SCARB2: variants seen among roughly 807,000 people sequenced by gnomAD.
The protein encoded by SCARB2 is lysosome membrane protein 2.
In SCARB2, 29 loss-of-function variants were observed where a neutral mutation model predicts 58.6. That is an observed-to-expected ratio of 0.49 (90% CI 0.37 to 0.67). The LOEUF is 0.67. Among genes scored for constraint, SCARB2 ranks in the 30% least tolerant of loss-of-function variants. SCARB2 has a pLI of 0.00. For missense variants in SCARB2, 488 were observed against 578.5 expected (o/e 0.84, Z 1.60); for synonymous variants, 195 against 210.1 (o/e 0.93, Z 0.62).
intron 1 of SCARB2, among the ~76,000 whole-genome samples, chr4:76,204,149 C>T (rs748316187): frequency 6.6e-6 from 1 of 152,176 alleles, no homozygotes; most frequent in Non-Finnish European, 1.5e-5. Flanking sequence ...AATGGCAAAA[C>T]ACCAATTGAT....
At position 76,159,152 on chromosome 4, in the gene SCARB2, CT is replaced by C. The variant is rs1317157908; in HGVS notation, c.*2560del. On this transcript the variant is annotated 3_prime_UTR_variant, in exon 12 of 12. Coordinates refer to ENST00000264896, the MANE Select transcript of SCARB2 (RefSeq NM_005506.4). ...TTTTCCCTGAGAGAAGTGAGTTAAG[CT>C]CTCTGTCTTGGTTTCTTCCTCTCTA... 1 of 152,160 alleles carries C rather than the reference CT, an allele frequency of 6.6e-6. No homozygotes were observed. Among genetic ancestry groups the C allele is most frequent in the African/African-American group, 2.4e-5 (1 of 41,434 alleles). 9.4% of individuals were successfully genotyped at this position (152,160 alleles called of 1,614,324 possible).
chr4:76,191,376 A>G (rs1456752574), intron 2 of SCARB2, among the ~76,000 whole-genome samples: 1 of 152,138 alleles, frequency 6.6e-6, no homozygotes, highest in African/African-American at 2.4e-5. Flanking sequence ...TCATGTTGAA[A>G]TATGATCCCC....
chr4:76,229,680 ATGT>A (rs1733460213), intron 1 of SCARB2, among the ~76,000 whole-genome samples: 1 of 152,140 alleles, frequency 6.6e-6, no homozygotes, highest in Non-Finnish European at 1.5e-5. Flanking sequence ...GATTCCTGTG[ATGT>A]GATCCATCTT....
chr4:76,217,529 C>T (rs903806576), upstream of SCARB2: 6 of 428,284 alleles, frequency 1.4e-5, no homozygotes, highest in South Asian at 3.3e-4. Context: ...CTCTAGCTTC[C>T]TCTCTGCCCA....
intron 1 of SCARB2, among the ~76,000 whole-genome samples, chr4:76,232,565 GCATAA>G (rs1304815287): frequency 8.5e-5 from 13 of 152,120 alleles, no homozygotes; most frequent in African/African-American, 2.9e-4. Context: ...ATGATTGGTA[GCATAA>G]CTTAGACATT....
At chr4:76,193,570 CAAA>C (rs894225469) in intron 2 of SCARB2, 1 of 152,242 alleles carries the variant, frequency 6.6e-6, no homozygotes, top group Middle Eastern at 3.2e-3. Flanking sequence ...GACACGGAGT[CAAA>C]GAAGATGATT....
intron 2 of SCARB2, among the ~76,000 whole-genome samples, chr4:76,189,319 T>C (rs1338270034): frequency 1.3e-5 from 2 of 152,160 alleles, no homozygotes; most frequent in African/African-American, 4.8e-5. Flanking sequence ...TGAGACTGAG[T>C]CATTTATAAA....
chr4:76,219,829 G>A (rs1262801847), intron 1 of SCARB2, among the ~76,000 whole-genome samples: 4 of 152,050 alleles, frequency 2.6e-5, no homozygotes, highest in Non-Finnish European at 5.9e-5. Context: ...TCTAACCACT[G>A]CACTCACCAC....
chr4:76,198,576 C>A lies in SCARB2; in HGVS notation c.118-2712G>T, dbSNP rs1460441380. ...CCTTGGCAGCATGCCAGAGTCATAA[C>A]CAACCCAGACCATGTTACAGCTGGG... On this transcript the variant is annotated intron_variant, in intron 1 of 11. Transcript: ENST00000264896. Among the ~76,000 whole-genome samples, 4 of 152,310 alleles carry A rather than the reference C, an allele frequency of 2.6e-5. 1 individual carries two copies. The highest frequency in any genetic ancestry group is 2.6e-4 in the Admixed American group (4 of 15,306).
intron 9 of SCARB2, among the ~76,000 whole-genome samples, chr4:76,167,682 CGCTT>C (rs1377128348): frequency 3.8e-5 from 4 of 103,948 alleles, no homozygotes; most frequent in African/African-American, 1.9e-4. Flanking sequence ...TCCCCCCCCC[CGCTT>C]TTTTTTTTTT....
chr4:76,232,397 C>T (rs750436471), intron 1 of SCARB2, among the ~76,000 whole-genome samples: 9 of 152,024 alleles, frequency 5.9e-5, no homozygotes, highest in African/African-American at 7.2e-5. Flanking sequence ...TACAGTTCTA[C>T]GGCTTATTCT....
intron 7 of SCARB2, chr4:76,172,994 G>A (rs1244695512): frequency 2.0e-5 from 3 of 152,168 alleles, no homozygotes; most frequent in Non-Finnish European, 4.4e-5. Context: ...TGCTCAGAGG[G>A]AGGAGTCGCA....
chr4:76,200,326 A>G (rs749801502), intron 1 of SCARB2, among the ~76,000 whole-genome samples: 3 of 152,230 alleles, frequency 2.0e-5, no homozygotes, highest in Admixed American at 6.5e-5. Context: ...GAGTCACAAT[A>G]TAACTGTTGC....
At chr4:76,197,688 T>C (rs1394797771) in intron 1 of SCARB2, among the ~76,000 whole-genome samples, 4 of 152,228 alleles carry the variant, frequency 2.6e-5, no homozygotes, top group African/African-American at 9.6e-5. Flanking sequence ...GTATTTTTAC[T>C]GTAAAAACGG....
intron 2 of SCARB2, chr4:76,192,235 G>A (rs1257536211): frequency 6.6e-6 from 1 of 152,228 alleles, no homozygotes; most frequent in Non-Finnish European, 1.5e-5. Context: ...ACAAGAAGAT[G>A]AGGGAAAGTT....
At chr4:76,215,537 G>C (rs373730903), upstream of SCARB2, among the ~76,000 whole-genome samples, 6 of 152,334 alleles carry the variant, frequency 3.9e-5, no homozygotes, top group African/African-American at 1.4e-4. Flanking sequence ...TTGAGAGGTG[G>C]GGTCTATACT....
intron 1 of SCARB2, among the ~76,000 whole-genome samples, chr4:76,206,600 C>T (rs547351167): frequency 6.6e-6 from 1 of 152,022 alleles, no homozygotes; most frequent in African/African-American, 2.4e-5. Context: ...GTAACACTTA[C>T]TGACCATCTA....
chr4:76,219,575 A>G (rs1055389965), intron 1 of SCARB2, among the ~76,000 whole-genome samples: 1 of 152,204 alleles, frequency 6.6e-6, no homozygotes, highest in African/African-American at 2.4e-5. Context: ...GAGAAGCTGT[A>G]TAAACGAGAA....
At chr4:76,193,565 G>A (rs1023187064) in intron 2 of SCARB2, 3 of 152,228 alleles carry the variant, frequency 2.0e-5, no homozygotes, top group South Asian at 2.1e-4. Flanking sequence ...TGTGAGACAC[G>A]GAGTCAAAGA....
Sources: allele counts gnomAD v4.1 joint callset (sites outside exome capture counted in the v4.1 genomes callset), GRCh38; gene constraint gnomAD v4.1.1; transcripts MANE v1.5; gene names NCBI Gene and HGNC (gene_info 2026-07-23, HGNC 2026-07-21).